Variants in CSMD1 observed in about 807,000 individuals in gnomAD.
CSMD1 encodes CUB and sushi domain-containing protein 1.
Under a neutral mutation model 417.5 loss-of-function variants are expected in CSMD1, and 213 were observed. The ratio of observed to expected loss-of-function variants is 0.51; its 90% CI spans 0.46 to 0.57. The LOEUF (loss-of-function observed/expected upper bound fraction) is 0.57, where lower values mean the gene tolerates loss of function less well. Ranked by LOEUF, CSMD1 falls within the 20% of genes least tolerant of loss-of-function variation. The probability of loss-of-function intolerance (pLI) is 0.00; values close to 1 mark genes in which losing one functional copy is unlikely to be tolerated. For synonymous variants in CSMD1, 2,862 were observed against 1,736.8 expected (o/e 1.65, Z -16.11); for missense variants, 6,923 against 4,529.7 (o/e 1.53, Z -15.17).
At chr8:3,352,980 A>G (rs370251846) in intron 21 of CSMD1, among the ~76,000 whole-genome samples, 1 of 152,226 alleles carries the variant, frequency 6.6e-6, no homozygotes, top group Non-Finnish European at 1.5e-5. Flanking sequence ...ACTGAGGCAC[A>G]ATGACACTAA....
chr8:4,303,347 C>A (rs187675519), intron 3 of CSMD1, among the ~76,000 whole-genome samples: 2 of 151,028 alleles, frequency 1.3e-5, no homozygotes, highest in Admixed American at 6.6e-5. Context: ...AAATTAGCAT[C>A]TTCCATCACC....
chr8:4,713,080 C>T lies in CSMD1; in HGVS notation c.86-75522G>A, dbSNP rs78394611. Among the ~76,000 whole-genome samples, 351 of 152,324 alleles carry T rather than the reference C, an allele frequency of 2.3e-3. 2 individuals carry two copies. Among genetic ancestry groups the T allele is most frequent in the African/African-American group, 8.2e-3 (340 of 41,568 alleles). On this transcript the variant is annotated intron_variant, in intron 1 of 69. Coordinates refer to ENST00000635120, the MANE Select transcript of CSMD1 (RefSeq NM_033225.6). ...TCTGCCAGAATCGGTCCCCGCTGCA[C>T]CTCAAATCCCCACCATTAAAGTCAT... is the stretch of plus-strand genomic sequence containing the variant.
chr8:4,656,439 G>A (rs1053372350), intron 1 of CSMD1, among the ~76,000 whole-genome samples: 5 of 151,972 alleles, frequency 3.3e-5, no homozygotes, highest in African/African-American at 4.8e-5. Flanking sequence ...TATTATCCAC[G>A]TAAAGCTTAA....
chr8:4,547,210 C>G (rs1299301214), intron 2 of CSMD1, among the ~76,000 whole-genome samples: 4 of 152,288 alleles, frequency 2.6e-5, no homozygotes, highest in Middle Eastern at 3.4e-3. Context: ...CGTTATCCAG[C>G]AAGCCTGGGT....
chr8:3,181,023 T>C (rs1014558093), intron 37 of CSMD1, 87 bp downstream of exon 37: 2 of 785,640 alleles, frequency 2.5e-6, no homozygotes, highest in African/African-American at 1.8e-5. Context: ...AATATTTCAC[T>C]GTTTAATAAG....
chr8:4,524,157 T>C (rs1002694119), intron 2 of CSMD1, among the ~76,000 whole-genome samples: 4 of 151,980 alleles, frequency 2.6e-5, no homozygotes, highest in African/African-American at 9.7e-5. Flanking sequence ...GCATCATATT[T>C]GTATGTATAA....
intron 5 of CSMD1, among the ~76,000 whole-genome samples, chr8:3,783,898 G>A (rs1417685671): frequency 8.7e-6 from 1 of 114,612 alleles, no homozygotes; most frequent in African/African-American, 3.5e-5. Flanking sequence ...CATGGTTGTG[G>A]TGCAGGCTGG....
chr8:3,806,196 C>G (rs754701337), intron 5 of CSMD1, among the ~76,000 whole-genome samples: 3 of 152,140 alleles, frequency 2.0e-5, no homozygotes, highest in Non-Finnish European at 2.9e-5. Flanking sequence ...CATTCAAACG[C>G]AGAGTGCTTT....
chr8:4,633,173 C>A (rs1190664448), intron 2 of CSMD1, among the ~76,000 whole-genome samples: 1 of 149,038 alleles, frequency 6.7e-6, no homozygotes, highest in Non-Finnish European at 1.5e-5. Flanking sequence ...GGACAGGAGC[C>A]TTCGTAGGAA....
At chr8:4,521,729 A>C (rs1211032984) in intron 2 of CSMD1, among the ~76,000 whole-genome samples, 4 of 152,190 alleles carry the variant, frequency 2.6e-5, no homozygotes, top group Admixed American at 2.6e-4. Context: ...CAATAGACAT[A>C]GCTCATAAGA....
At chr8:3,307,893 A>T in intron 24 of CSMD1, 72 bp from the exon 25 acceptor site, 1 of 1,534,424 alleles carries the variant, frequency 6.5e-7, no homozygotes, top group African/African-American at 1.4e-5. Flanking sequence ...TACTTTTCAA[A>T]ACCAAAGCCA....
chr8:4,615,184 C>G (rs756435926), intron 2 of CSMD1, among the ~76,000 whole-genome samples: 6 of 152,154 alleles, frequency 3.9e-5, no homozygotes, highest in Non-Finnish European at 7.3e-5. Context: ...CGCCCTTACA[C>G]TCTCCATGCA....
intron 3 of CSMD1, among the ~76,000 whole-genome samples, chr8:4,058,496 T>C (rs1198760730): frequency 6.6e-6 from 1 of 152,166 alleles, no homozygotes; most frequent in African/African-American, 2.4e-5. Context: ...ACAATTTGCC[T>C]TCCTCTTTTC....
intron 8 of CSMD1, among the ~76,000 whole-genome samples, chr8:3,598,802 G>A (rs1801215839): frequency 6.6e-6 from 1 of 152,164 alleles, no homozygotes; most frequent in Non-Finnish European, 1.5e-5. Context: ...CTGAAATTGG[G>A]CCAGGTGCAG....
chr8:3,923,339 C>T (rs1809412487), intron 5 of CSMD1, among the ~76,000 whole-genome samples: 1 of 152,196 alleles, frequency 6.6e-6, no homozygotes, highest in Non-Finnish European at 1.5e-5. Context: ...CATACATCCA[C>T]ATACGTATAT....
chr8:4,526,059 C>A (rs1453311297), intron 2 of CSMD1, among the ~76,000 whole-genome samples: 2 of 152,090 alleles, frequency 1.3e-5, no homozygotes, highest in Admixed American at 1.3e-4. Flanking sequence ...TTACTCTAGG[C>A]TATTCATTTT....
chr8:3,838,639 T>C lies in CSMD1; in HGVS notation c.819-84597A>G, dbSNP rs867696048. On this transcript the variant is annotated intron_variant, in intron 5 of 69. Coordinates refer to ENST00000635120, the MANE Select transcript of CSMD1 (RefSeq NM_033225.6). ...AATAAATAAATTAATATATAATAAA[T>C]TAATATTATATAGTATAATATATAA... Among the ~76,000 whole-genome samples the C allele has an allele frequency of 4.4e-4, 55 of 126,164 alleles. 2 individuals are homozygous for C. The highest frequency in any genetic ancestry group is 7.3e-4 in the Non-Finnish European group (47 of 64,380). 82.8% of individuals were successfully genotyped at this position (126,164 alleles called of 152,430 possible).
At chr8:4,015,755 T>A (rs1383476052) in intron 4 of CSMD1, among the ~76,000 whole-genome samples, 1 of 152,022 alleles carries the variant, frequency 6.6e-6, no homozygotes, top group East Asian at 1.9e-4. Context: ...TTGACATGTT[T>A]AGGTGAATAC....
At chr8:3,080,088 G>C (rs1813975701) in intron 49 of CSMD1, among the ~76,000 whole-genome samples, 1 of 152,106 alleles carries the variant, frequency 6.6e-6, no homozygotes, top group Non-Finnish European at 1.5e-5. Context: ...ATAAACAATA[G>C]ACAAACTCCA....
Sources: allele counts gnomAD v4.1 joint callset (sites outside exome capture counted in the v4.1 genomes callset), GRCh38; gene constraint gnomAD v4.1.1; transcripts MANE v1.5; gene names NCBI Gene and HGNC (gene_info 2026-07-23, HGNC 2026-07-21).